Variants in AKAIN1 observed in about 807,000 individuals in gnomAD.
The protein encoded by AKAIN1 is A-kinase anchor protein inhibitor 1.
A neutral mutation model predicts 3.7 loss-of-function variants in AKAIN1; 3 were observed. The observed-to-expected ratio is 0.82, with a 90% CI of 0.37 to 2.12. AKAIN1 has a LOEUF of 2.12. AKAIN1 is among the 30% of genes most tolerant of loss of function. The probability of loss-of-function intolerance (pLI) is 0.06; values close to 1 mark genes in which losing one functional copy is unlikely to be tolerated. For synonymous variants in AKAIN1, 31 were observed against 30.8 expected (o/e 1.01, Z -0.02); for missense variants, 82 against 82.7 (o/e 0.99, Z 0.03).
intron 1 of AKAIN1, among the ~76,000 whole-genome samples, chr18:5,176,264 C>T (rs1009849616): frequency 1.3e-5 from 2 of 151,996 alleles, no homozygotes; most frequent in South Asian, 2.1e-4. Flanking sequence ...TATGGTGAAA[C>T]CCCATCTCTA....
At chr18:5,146,110 G>A (rs1323961656) in intron 1 of AKAIN1, among the ~76,000 whole-genome samples, 2 of 152,140 alleles carry the variant, frequency 1.3e-5, no homozygotes, top group Non-Finnish European at 2.9e-5. Context: ...TTTCACTGCT[G>A]TACTGTTATT....
At chr18:5,191,756 T>C (rs2071319793) in intron 1 of AKAIN1, among the ~76,000 whole-genome samples, 1 of 152,182 alleles carries the variant, frequency 6.6e-6, no homozygotes, top group African/African-American at 2.4e-5. Flanking sequence ...GTATTCCTTA[T>C]CCAAAATGCT....
intron 1 of AKAIN1, among the ~76,000 whole-genome samples, chr18:5,155,656 C>A (rs915235097): frequency 3.9e-5 from 6 of 152,192 alleles, no homozygotes; most frequent in Admixed American, 3.3e-4. Flanking sequence ...TCCAGAGCCA[C>A]CAAACCACCA....
At chr18:5,181,580 G>C (rs542756651) in intron 1 of AKAIN1, among the ~76,000 whole-genome samples, 3 of 152,208 alleles carry the variant, frequency 2.0e-5, no homozygotes, top group Non-Finnish European at 2.9e-5. Flanking sequence ...TCATTAGTGA[G>C]AGCTAAGATG....
chr18:5,191,287 A>G lies in AKAIN1; in HGVS notation c.16+5751T>C, dbSNP rs533034080. Among the ~76,000 whole-genome samples, 4 of 152,310 alleles carry G rather than the reference A, an allele frequency of 2.6e-5. No individual in the cohort carries two copies. The South Asian group carries it at 6.2e-4, about 24-fold the overall frequency. On this transcript the variant is annotated intron_variant, in intron 1 of 1. Transcript: ENST00000434239. ...TACAACTTATCTCTTACAACTAATAAAAGAGTGAAGCAAGAACATAGAAAA... is the reference window on the plus strand; with the variant it reads ...TACAACTTATCTCTTACAACTAATAGAAGAGTGAAGCAAGAACATAGAAAA...
chr18:5,187,597 A>G (rs1330578750), intron 1 of AKAIN1, among the ~76,000 whole-genome samples: 1 of 152,114 alleles, frequency 6.6e-6, no homozygotes, highest in Non-Finnish European at 1.5e-5. Context: ...CTCCTACAAT[A>G]ATGGCATTAA....
At chr18:5,191,930 A>T (rs991695508) in intron 1 of AKAIN1, among the ~76,000 whole-genome samples, 3 of 152,208 alleles carry the variant, frequency 2.0e-5, no homozygotes, top group Non-Finnish European at 4.4e-5. Context: ...TTTCTTATAC[A>T]CATATATTTC....
chr18:5,144,215 C>A lies in AKAIN1; in HGVS notation c.*1347G>T, dbSNP rs567250629. 3.9e-5 allele frequency among the ~76,000 whole-genome samples: 6 copies of A among 152,054 alleles called. No individual in the cohort carries two copies. The highest frequency in any genetic ancestry group is 1.4e-4 in the African/African-American group (6 of 41,386). ...ATTATCCAACTATTTATTCTAGAAA[C>A]TGTAGCATATTGGAATTTTAGAAGT... is the stretch of plus-strand genomic sequence containing the variant. On this transcript the variant is annotated 3_prime_UTR_variant, in exon 2 of 2. Coordinates refer to ENST00000434239, the MANE Select transcript of AKAIN1 (RefSeq NM_001145194.2).
chr18:5,168,012 G>C (rs2071176322), intron 1 of AKAIN1, among the ~76,000 whole-genome samples: 1 of 152,048 alleles, frequency 6.6e-6, no homozygotes, highest in Non-Finnish European at 1.5e-5. Context: ...TGCATGGGCT[G>C]GCTGTGGAAG....
At chr18:5,183,858 G>C (rs2071272813) in intron 1 of AKAIN1, among the ~76,000 whole-genome samples, 1 of 151,960 alleles carries the variant, frequency 6.6e-6, no homozygotes, top group Non-Finnish European at 1.5e-5. Context: ...AACATATGCT[G>C]TTGATTCATT....
intron 1 of AKAIN1, among the ~76,000 whole-genome samples, chr18:5,150,332 TG>T (rs2071073209): frequency 6.6e-6 from 1 of 152,212 alleles, no homozygotes; most frequent in Admixed American, 6.5e-5. Flanking sequence ...GACTCACCAT[TG>T]ATTTCTATGC....
intron 1 of AKAIN1, among the ~76,000 whole-genome samples, chr18:5,147,307 C>T (rs1263979760): frequency 1.3e-5 from 2 of 152,100 alleles, no homozygotes; most frequent in Non-Finnish European, 2.9e-5. Flanking sequence ...AGTAATATAC[C>T]TTGTTTAAGG....
intron 1 of AKAIN1, among the ~76,000 whole-genome samples, chr18:5,185,999 TA>T (rs1204160269): frequency 2.0e-5 from 3 of 151,906 alleles, no homozygotes; most frequent in Admixed American, 2.0e-4. Context: ...TACACAACCA[TA>T]AAAAAGAATG....
At chr18:5,184,892 T>C (rs940676744) in intron 1 of AKAIN1, among the ~76,000 whole-genome samples, 4 of 151,984 alleles carry the variant, frequency 2.6e-5, no homozygotes, top group African/African-American at 9.7e-5. Flanking sequence ...GCCAAGGTAA[T>C]CCTCAGCAAA....
intron 1 of AKAIN1, among the ~76,000 whole-genome samples, chr18:5,175,322 C>A (rs145067305): frequency 6.6e-6 from 1 of 152,034 alleles, no homozygotes; most frequent in Non-Finnish European, 1.5e-5. Context: ...CACAGGACAT[C>A]GACAACTGAG....
chr18:5,159,471 A>G (rs2071127159), intron 1 of AKAIN1: 1 of 152,224 alleles, frequency 6.6e-6, no homozygotes, highest in Non-Finnish European at 1.5e-5. Context: ...GCTACCTTCA[A>G]ATAAAATTAA....
upstream of AKAIN1, chr18:5,197,507 A>AAAAAAAAAC: frequency 8.2e-7 from 1 of 1,223,568 alleles, no homozygotes; most frequent in Non-Finnish European, 1.0e-6. This position sits in a 1 kb window ranked among gnomAD's most constrained non-coding sequence, Gnocchi z 6.9. Context: ...GATTTGTCAA[A>AAAAAAAAAC]AAAAAAAAAC....
intron 1 of AKAIN1, among the ~76,000 whole-genome samples, chr18:5,167,779 A>G (rs570347695): frequency 2.6e-5 from 4 of 151,962 alleles, no homozygotes; most frequent in East Asian, 3.9e-4. Flanking sequence ...GCCTTTTTTC[A>G]TACTTTCACC....
chr18:5,161,465 A>G (rs113630006), intron 1 of AKAIN1, among the ~76,000 whole-genome samples: 13 of 152,230 alleles, frequency 8.5e-5, no homozygotes, highest in African/African-American at 3.1e-4. Context: ...TGCATCTCCC[A>G]GTGATGACAA....
Sources: gnomAD v4.1 joint callset for allele counts (sites outside exome capture counted in the v4.1 genomes callset) on GRCh38, gnomAD v4.1.1 for gene constraint, Gnocchi (gnomAD v3.1) non-coding constraint, MANE v1.5 for transcripts, NCBI Gene and HGNC (gene_info 2026-07-23, HGNC 2026-07-21) for gene names.